FRMD5: variants seen among roughly 807,000 people sequenced by gnomAD.
The protein encoded by FRMD5 is FERM domain-containing protein 5.
A neutral mutation model predicts 69.0 loss-of-function variants in FRMD5; 20 were observed. The observed-to-expected ratio is 0.29, with a 90% CI of 0.20 to 0.42. The LOEUF is 0.42. FRMD5 is among the 10% of genes least tolerant of loss of function. FRMD5 has a pLI of 1.00. For synonymous variants in FRMD5, 271 were observed against 260.1 expected, an observed-to-expected ratio of 1.04 and a Z score of -0.40; for missense variants, 595 against 708.6, an observed-to-expected ratio of 0.84 and a Z score of 1.82.
chr15:43,889,274 G>C (rs1209100195), intron 8 of FRMD5, among the ~76,000 whole-genome samples: 1 of 152,186 alleles, frequency 6.6e-6, no homozygotes, highest in Non-Finnish European at 1.5e-5. Context: ...CAAAGTTCAA[G>C]ATACAGCAAA....
At chr15:44,028,290 T>C (rs1190539662) in intron 1 of FRMD5, among the ~76,000 whole-genome samples, 4 of 152,200 alleles carry the variant, frequency 2.6e-5, no homozygotes, top group African/African-American at 7.2e-5. Flanking sequence ...GCTAGGTCTA[T>C]GGCAAGAGAA....
chr15:44,133,129 C>T (rs1209423096), intron 1 of FRMD5, among the ~76,000 whole-genome samples: 2 of 151,662 alleles, frequency 1.3e-5, no homozygotes, highest in African/African-American at 4.8e-5. Context: ...CAGGAGAATC[C>T]CTTGAACCAG....
At chr15:44,120,634 T>C (rs1285929325) in intron 1 of FRMD5, among the ~76,000 whole-genome samples, 3 of 150,144 alleles carry the variant, frequency 2.0e-5, no homozygotes. Flanking sequence ...GCCATTCTCC[T>C]GCCTCAGCCT....
chr15:43,877,526 G>A (rs1291881333), intron 13 of FRMD5, among the ~76,000 whole-genome samples: 1 of 152,216 alleles, frequency 6.6e-6, no homozygotes, highest in African/African-American at 2.4e-5. Context: ...GGATTCTCCA[G>A]AGGAATGAGC....
At chr15:44,034,304 C>T (rs1891815899) in intron 1 of FRMD5, among the ~76,000 whole-genome samples, 1 of 152,318 alleles carries the variant, frequency 6.6e-6, no homozygotes, top group African/African-American at 2.4e-5. Flanking sequence ...ACTGTTCATT[C>T]AACCTCCTTT....
chr15:44,106,940 A>G (rs547140992), intron 1 of FRMD5, among the ~76,000 whole-genome samples: 20 of 152,374 alleles, frequency 1.3e-4, no homozygotes, highest in African/African-American at 4.8e-4. Context: ...GATATATGGT[A>G]TATTTTTACC....
chr15:44,016,322 A>G (rs190223952), intron 1 of FRMD5, among the ~76,000 whole-genome samples: 4 of 152,308 alleles, frequency 2.6e-5, no homozygotes, highest in Admixed American at 1.3e-4. Flanking sequence ...GAGTCCTTAT[A>G]AGGTAGTTAA....
intron 1 of FRMD5, among the ~76,000 whole-genome samples, chr15:43,992,142 G>A (rs1014424644): frequency 5.3e-5 from 8 of 152,140 alleles, no homozygotes; most frequent in Non-Finnish European, 1.2e-4. Flanking sequence ...CTCCACTAAT[G>A]AGTCTCACAG....
At chr15:43,974,672 A>G (rs2090437342) in intron 1 of FRMD5, among the ~76,000 whole-genome samples, 1 of 152,220 alleles carries the variant, frequency 6.6e-6, no homozygotes, top group African/African-American at 2.4e-5. Flanking sequence ...TAAAGTGTTG[A>G]AAAGCAAAAT....
intron 1 of FRMD5, among the ~76,000 whole-genome samples, chr15:43,964,936 A>G (rs2090268168): frequency 6.6e-6 from 1 of 152,206 alleles, no homozygotes; most frequent in Admixed American, 6.5e-5. Context: ...CAGGAGAACT[A>G]AGTATAATTA....
At chr15:44,048,541 C>T (rs903731133) in intron 1 of FRMD5, among the ~76,000 whole-genome samples, 1 of 152,026 alleles carries the variant, frequency 6.6e-6, no homozygotes, top group African/African-American at 2.4e-5. Context: ...ATTTGCAGCA[C>T]AAAGTTTTTT....
At chr15:43,908,217 A>G (rs563768679) in intron 5 of FRMD5, among the ~76,000 whole-genome samples, 177 of 151,898 alleles carry the variant, frequency 1.2e-3, no homozygotes, top group Non-Finnish European at 1.8e-3. Context: ...GGTTCCAGCT[A>G]CTTGGGAGGC....
chr15:44,195,079 G>T lies in FRMD5; in HGVS notation c.-25C>A, dbSNP rs912137757. 3 of 1,395,674 alleles carry T rather than the reference G, an allele frequency of 2.1e-6. No individual in the cohort carries two copies. The highest frequency in any genetic ancestry group is 2.8e-6 in the Non-Finnish European group (3 of 1,062,140). 86.5% of individuals were successfully genotyped at this position (1,395,674 alleles called of 1,614,324 possible). On this transcript the variant is annotated 5_prime_UTR_variant, in exon 1 of 14. Transcript: ENST00000417257. ...TCTTCCCGCCCGCCCGCCCGGGAGC[G>T]ACGCGGCGGCGCTGCGGACCCTGGA...
intron 1 of FRMD5, 121 bp from the exon 2 acceptor site, chr15:43,924,430 T>C: frequency 1.5e-6 from 1 of 675,034 alleles, no homozygotes; most frequent in Non-Finnish European, 2.6e-6. Flanking sequence ...GGGGTGAATG[T>C]CCATAACTAT....
chr15:43,908,585 G>A (rs760960032), intron 5 of FRMD5, among the ~76,000 whole-genome samples: 1 of 152,116 alleles, frequency 6.6e-6, no homozygotes, highest in Non-Finnish European at 1.5e-5. Flanking sequence ...ATTCTTTTGG[G>A]GAAACTTCAT....
intron 1 of FRMD5, among the ~76,000 whole-genome samples, chr15:43,947,963 G>A (rs1262008676): frequency 8.0e-6 from 1 of 125,562 alleles, no homozygotes; most frequent in African/African-American, 3.0e-5. Flanking sequence ...AATAAGAGGG[G>A]TAGGGAGAGA....
chr15:44,066,276 T>G (rs556181937), intron 1 of FRMD5, among the ~76,000 whole-genome samples: 1 of 152,368 alleles, frequency 6.6e-6, no homozygotes, highest in Non-Finnish European at 1.5e-5. Flanking sequence ...TCTGGGTGGC[T>G]GCTGGAGAGG....
At chr15:43,937,781 G>C (rs1469453999) in intron 1 of FRMD5, among the ~76,000 whole-genome samples, 1 of 152,094 alleles carries the variant, frequency 6.6e-6, no homozygotes, top group Non-Finnish European at 1.5e-5. Context: ...GGGAGATCTG[G>C]AGCCAGAGGG....
chr15:43,961,728 T>G lies in FRMD5; in HGVS notation c.103-37419A>C, dbSNP rs566725975. On this transcript the variant is annotated intron_variant, in intron 1 of 13. Transcript: ENST00000417257. ...ACCATGATCAAGTGGGCTTCATCCC[T>G]GGGATGCAAGGCTGGTTCAACATAT... Among the ~76,000 whole-genome samples the G allele has an allele frequency of 4.4e-3, 666 of 152,328 alleles. 4 individuals are homozygous for G. The highest frequency in any genetic ancestry group is 0.015 in the African/African-American group (632 of 41,572).
Sources: allele counts gnomAD v4.1 joint callset (sites outside exome capture counted in the v4.1 genomes callset), GRCh38; gene constraint gnomAD v4.1.1; transcripts MANE v1.5; gene names NCBI Gene and HGNC (gene_info 2026-07-23, HGNC 2026-07-21).